Variants in LONRF1 observed in about 807,000 individuals in gnomAD.
LONRF1 encodes the protein LON peptidase N-terminal domain and RING finger protein 1.
LONRF1 carries 37 observed loss-of-function variants against 85.8 expected under a neutral mutation model. That is an observed-to-expected ratio of 0.43 (90% CI 0.33 to 0.57). The LOEUF (loss-of-function observed/expected upper bound fraction) is 0.57, where lower values mean the gene tolerates loss of function less well. Among genes scored for constraint, LONRF1 ranks in the 20% least tolerant of loss-of-function variants. The pLI, the probability that LONRF1 is intolerant of heterozygous loss-of-function variation, is 0.04. For synonymous variants in LONRF1, 517 were observed against 390.1 expected, an observed-to-expected ratio of 1.33 and a Z score of -3.83; for missense variants, 1,036 against 978.0, an observed-to-expected ratio of 1.06 and a Z score of -0.79.
At position 12,755,102 on chromosome 8, in the gene LONRF1, C is replaced by A. The variant is rs1172684454; in HGVS notation, c.319G>T (p.Ala107Ser). The change falls in exon 1 of 12, where the codon GCG becomes TCG. Residue 107 changes from alanine to serine, a missense_variant. Coordinates refer to ENST00000398246, the MANE Select transcript of LONRF1 (RefSeq NM_152271.5). Reference protein sequence around the residue: ...YRLRHGLGWSAAPVAGADGGA... With the variant: ...YRLRHGLGWSSAPVAGADGGA... ...CCGTCAGCGCCTGCAACCGGGGCCGCGCTCCAGCCCAGCCCGTGGCGGAGC... is the reference window on the plus strand; with the variant it reads ...CCGTCAGCGCCTGCAACCGGGGCCGAGCTCCAGCCCAGCCCGTGGCGGAGC... 1.4e-6 allele frequency: 2 copies of A among 1,466,454 alleles called. No individual in the cohort carries two copies. The highest frequency in any genetic ancestry group is 2.9e-5 in the African/African-American group (2 of 68,038). The allele number at this position is 1,466,454 out of a possible 1,614,324, so 90.8% of individuals were successfully genotyped here. A position where few individuals can be genotyped will look rare whatever the true frequency, so the allele number is the denominator to read the frequency against.
rs1397541317 is a variant in LONRF1, at chr8:12,755,316, G to A, written c.105C>T (p.Gly35=). 3.2e-6 allele frequency: 4 copies of A among 1,247,580 alleles called. No individual in the cohort carries two copies. Among genetic ancestry groups the A allele is most frequent in the Non-Finnish European group, 4.0e-6 (4 of 992,520 alleles). The allele number at this position is 1,247,580 out of a possible 1,614,324, so 77.3% of individuals were successfully genotyped here. Residue 35 remains glycine (G), a synonymous_variant, in exon 1 of 12, where the codon GGC becomes GGT. Transcript: ENST00000398246. ...CCGCGGCCGCGCGCTCCAGCCGATG[G>A]CCGCTGCCGCCGCCCACTTCCCAGA... ...GRFWEVGGGS[G]HRLERAAAES...
intron 1 of LONRF1, among the ~76,000 whole-genome samples, chr8:12,744,352 G>C (rs538844480): frequency 4.0e-5 from 6 of 151,844 alleles, no homozygotes; most frequent in African/African-American, 7.3e-5. Flanking sequence ...TTATATCAAC[G>C]AAAACATTTA....
In LONRF1 at chr8:12,754,848, G is replaced by T. The variant is rs957297410; in HGVS notation, c.573C>A (p.Phe191Leu). 5 of 1,493,336 alleles carry T rather than the reference G, an allele frequency of 3.3e-6. No homozygotes were observed. Among genetic ancestry groups the T allele is most frequent in the African/African-American group, 2.9e-5 (2 of 68,542 alleles). The allele number at this position is 1,493,336 out of a possible 1,614,324, so 92.5% of individuals were successfully genotyped here. Residue 191 changes from phenylalanine to leucine, a missense_variant, in exon 1 of 12, where the codon TTC (phenylalanine) becomes TTA (leucine). This residue lies in a region of LONRF1 where 742 missense variants were observed against 614.4 expected (regional missense o/e 1.21). Transcript: ENST00000398246. ...PLAAAIAASD[F>L]RTSVVLNHLA... Reference sequence around the variant, plus strand: ...GGTGGTTGAGGACGACGCTGGTTCTGAAGTCTGAAGCGGCGATGGCGGCGG... The same window carrying T: ...GGTGGTTGAGGACGACGCTGGTTCTTAAGTCTGAAGCGGCGATGGCGGCGG...
rs1399645383 is a variant in LONRF1 at position 12,754,911 on chromosome 8, A to C, written c.510T>G (p.Thr170=). ...DRLPPATASA[T]DAEGTAPRPP... ...GCCGCGGGGCGGTCCCTTCAGCATC[A>C]GTGGCACTGGCGGTGGCGGGCGGCA... Residue 170 remains threonine, a synonymous_variant, in exon 1 of 12, where the codon ACT becomes ACG. Coordinates refer to ENST00000398246, the MANE Select transcript of LONRF1 (RefSeq NM_152271.5). The C allele has an allele frequency of 6.7e-7, 1 of 1,492,538 alleles. No individual in the cohort carries two copies. The highest frequency in any genetic ancestry group is 8.9e-7 in the Non-Finnish European group (1 of 1,125,200). The allele number at this position is 1,492,538 out of a possible 1,614,324, so 92.5% of individuals were successfully genotyped here. A position where few individuals can be genotyped will look rare whatever the true frequency, so the allele number is the denominator to read the frequency against.
Position 12,729,235 on chromosome 8 carries a change from G to T in LONRF1, c.1786C>A (p.Arg596=), listed in dbSNP as rs1798437337. The change falls in exon 9 of 12, where the codon CGA becomes AGA. Residue 596 remains arginine, a synonymous_variant. Transcript: ENST00000398246. ...VFEPRYRLMI[R]RSIQTGTKQF... ...TTGGTTCCAGTCTGTATACTTCTTC[G>T]AATCATCAATCTGTATCTTGGCTCA... The T allele has an allele frequency of 6.2e-7, 1 of 1,613,846 alleles. No homozygotes were observed. Among genetic ancestry groups the T allele is most frequent in the East Asian group, 2.2e-5 (1 of 44,864 alleles).
chr8:12,736,111 T>C (rs9325786), intron 6 of LONRF1, among the ~76,000 whole-genome samples: 139,911 of 152,120 alleles, frequency 0.92, 64,894 homozygotes, highest in East Asian at 1. Flanking sequence ...TGCTCAGGAA[T>C]GTAACTGCTA....
rs990143926 is a variant in LONRF1 at position 12,722,212 on chromosome 8, T to C, written c.*884A>G. ...CCAGATCCTTAATGGGTTTATACTA[T>C]GCATTTTTTTTTAAAACAAACACAT... On this transcript the variant is annotated 3_prime_UTR_variant, in exon 12 of 12. Coordinates refer to ENST00000398246, the MANE Select transcript of LONRF1 (RefSeq NM_152271.5). 9.8e-5 allele frequency: 15 copies of C among 152,510 alleles called. No homozygotes were observed. Among genetic ancestry groups the C allele is most frequent in the African/African-American group, 2.2e-4 (9 of 41,422 alleles). The allele number at this position is 152,510 out of a possible 1,614,324, so 9.4% of individuals were successfully genotyped here.
chr8:12,734,383 T>C (rs1472191499), intron 7 of LONRF1, among the ~76,000 whole-genome samples: 1 of 152,246 alleles, frequency 6.6e-6, no homozygotes, highest in Non-Finnish European at 1.5e-5. Context: ...AATGGTTTTA[T>C]GAATTTTTCA....
In LONRF1 at chr8:12,735,369, C is replaced by T. The variant is rs1175133976; in HGVS notation, c.1483G>A (p.Gly495Arg). 3 of 1,605,906 alleles carry T rather than the reference C, an allele frequency of 1.9e-6. No homozygotes were observed. The highest frequency in any genetic ancestry group is 2.2e-5 in the South Asian group (2 of 89,964). ...LFFEPVTTPC[G>R]HSFCKNCLER... is the part of the protein sequence containing the mutation. ...AGACAATTCTTACAGAACGAATGTC[C>T]GCAAGGGGTTGTTACTGGCTCAAAA... The change falls in exon 7 of 12, where the codon GGA becomes AGA. Residue 495 changes from glycine (G) to arginine (R), a missense_variant. Transcript: ENST00000398246.
At chr8:12,733,546 G>A (rs1466665583) in intron 7 of LONRF1, among the ~76,000 whole-genome samples, 1 of 152,130 alleles carries the variant, frequency 6.6e-6, no homozygotes. Context: ...ACCCACTACT[G>A]AGTAGAGGAG....
chr8:12,737,479 A>C, intron 4 of LONRF1: 1 of 391,420 alleles, frequency 2.6e-6, no homozygotes, highest in Non-Finnish European at 4.8e-6. Context: ...TGTATTAGGT[A>C]TTATAAGTAA....
intron 2 of LONRF1, among the ~76,000 whole-genome samples, chr8:12,742,253 C>A (rs1359468799): frequency 6.6e-6 from 1 of 152,172 alleles, no homozygotes; most frequent in Non-Finnish European, 1.5e-5. Context: ...TTTAGAGCAG[C>A]CTTACTACAC....
At position 12,726,843 on chromosome 8, in the gene LONRF1, C is replaced by G. The variant is rs1014833953; in HGVS notation, c.2011-964G>C. Among the ~76,000 whole-genome samples the G allele has an allele frequency of 1.1e-4, 17 of 152,186 alleles. No individual in the cohort carries two copies. The South Asian group carries it at 3.3e-3, about 30-fold the overall frequency. On this transcript the variant is annotated intron_variant, in intron 10 of 11. Coordinates refer to ENST00000398246, the MANE Select transcript of LONRF1 (RefSeq NM_152271.5). ...AGCACACCAGAGACAAAAAAGCAAA[C>G]TTTTTACTTTTGAAAGATTTGAAAT...
At position 12,735,400 on chromosome 8, in the gene LONRF1, C is replaced by T; in HGVS notation, c.1452G>A (p.Arg484=). 6.3e-7 allele frequency: 1 copy of T among 1,587,098 alleles called. No individual in the cohort carries two copies. The highest frequency in any genetic ancestry group is 8.6e-7 in the Non-Finnish European group (1 of 1,160,662). ...GGGTTGTTACTGGCTCAAAAAACAACCTGAAATCAACCAAGATACATGTTA... is the reference window on the plus strand; with the variant it reads ...GGGTTGTTACTGGCTCAAAAAACAATCTGAAATCAACCAAGATACATGTTA... ...VSDFECSLCM[R]LFFEPVTTPC... Residue 484 remains arginine (R), a splice_region_variant and synonymous_variant, in exon 7 of 12, where the codon AGG becomes AGA. Coordinates refer to ENST00000398246, the MANE Select transcript of LONRF1 (RefSeq NM_152271.5).
At chr8:12,747,490 T>G (rs1051448141) in intron 1 of LONRF1, among the ~76,000 whole-genome samples, 6 of 152,214 alleles carry the variant, frequency 3.9e-5, no homozygotes, top group Non-Finnish European at 7.3e-5. Flanking sequence ...AGTGTTGGTG[T>G]TAACAAAAGA....
At chr8:12,724,370 C>G (rs1806069702) in intron 11 of LONRF1, among the ~76,000 whole-genome samples, 2 of 152,162 alleles carry the variant, frequency 1.3e-5, no homozygotes, top group African/African-American at 4.8e-5. Context: ...TGCTGGGATT[C>G]CTAAGAATTA....
At chr8:12,746,088 T>C (rs1405207757) in intron 1 of LONRF1, among the ~76,000 whole-genome samples, 1 of 152,182 alleles carries the variant, frequency 6.6e-6, no homozygotes, top group East Asian at 1.9e-4. Flanking sequence ...TTTGTAAATG[T>C]CACCTCCTAT....
chr8:12,743,064 G>C, intron 2 of LONRF1, 100 bp downstream of exon 2: 1 of 765,008 alleles, frequency 1.3e-6, no homozygotes, highest in Non-Finnish European at 2.3e-6. Context: ...TTTATTTGGA[G>C]TCAACCATCT....
rs1253942516 is a variant in LONRF1, at chr8:12,729,313, T to C, written c.1708A>G (p.Ile570Val). The C allele has an allele frequency of 1.9e-6, 3 of 1,613,578 alleles. No individual in the cohort carries two copies. Among genetic ancestry groups the C allele is most frequent in the Non-Finnish European group, 2.5e-6 (3 of 1,179,758 alleles). The stretch of plus-strand genomic sequence containing the variant: ...GGGTAGGCCATAGTGCAAACAAATA[T>C]TGGAACATTCTTGGTCAAGCTAAGG... ...ELSHLTKNVP[I>V]FVCTMAYPTV... The change falls in exon 9 of 12, where the codon ATA becomes GTA. Residue 570 changes from isoleucine to valine, a missense_variant. Around this residue, in one of 3 missense-constraint regions of LONRF1, gnomAD observed 265 missense variants for 301.5 expected, o/e 0.88. Transcript: ENST00000398246.
Sources: allele counts gnomAD v4.1 joint callset (sites outside exome capture counted in the v4.1 genomes callset), GRCh38; gene constraint gnomAD v4.1.1; regional missense constraint gnomAD v4.1.1; transcripts MANE v1.5; gene names NCBI Gene and HGNC (gene_info 2026-07-23, HGNC 2026-07-21).